Variants in SPIDR observed in about 807,000 individuals in gnomAD.
The protein encoded by SPIDR is DNA repair-scaffolding protein.
A neutral mutation model predicts 104.6 loss-of-function variants in SPIDR; 93 were observed. The ratio of observed to expected loss-of-function variants is 0.89; its 90% CI spans 0.75 to 1.06. The LOEUF is 1.06. Among genes scored for constraint, SPIDR ranks in the 50% least tolerant of loss-of-function variants. The pLI, the probability that SPIDR is intolerant of heterozygous loss-of-function variation, is 0.00. For synonymous variants in SPIDR, 431 were observed against 416.9 expected, an observed-to-expected ratio of 1.03 and a Z score of -0.41; for missense variants, 1,154 against 1,111.2, an observed-to-expected ratio of 1.04 and a Z score of -0.55.
At chr8:47,563,890 C>T (rs2057404127) in intron 8 of SPIDR, among the ~76,000 whole-genome samples, 1 of 152,044 alleles carries the variant, frequency 6.6e-6, no homozygotes, top group South Asian at 2.1e-4. Flanking sequence ...GTCTATTTAA[C>T]ACAATATCTG....
chr8:47,521,921 G>C (rs775487153), intron 8 of SPIDR, among the ~76,000 whole-genome samples: 14 of 151,594 alleles, frequency 9.2e-5, no homozygotes, highest in Non-Finnish European at 1.6e-4. Flanking sequence ...CCCAGCACTT[G>C]GGGAGGCGGA....
intron 19 of SPIDR, among the ~76,000 whole-genome samples, chr8:47,733,738 C>A (rs562983758): frequency 1.3e-4 from 20 of 152,150 alleles, no homozygotes; most frequent in South Asian, 6.3e-4. Flanking sequence ...TCATAATAAA[C>A]CCCATGTGTG....
intron 8 of SPIDR, among the ~76,000 whole-genome samples, chr8:47,539,121 A>G (rs1042155160): frequency 1.3e-5 from 2 of 151,978 alleles, no homozygotes; most frequent in African/African-American, 2.4e-5. Context: ...TCAGCCTCCC[A>G]AAGTGCTGGG....
chr8:47,556,097 A>G (rs532871774), intron 8 of SPIDR, among the ~76,000 whole-genome samples: 7 of 152,274 alleles, frequency 4.6e-5, no homozygotes, highest in African/African-American at 7.2e-5. Context: ...TACATTGTCT[A>G]TTGTCAGCCA....
intron 8 of SPIDR, among the ~76,000 whole-genome samples, chr8:47,591,123 C>CCTAA (rs2060956048): frequency 6.6e-6 from 1 of 151,500 alleles, no homozygotes; most frequent in Non-Finnish European, 1.5e-5. Context: ...TTTATTTAGA[C>CCTAA]CATTTATCCT....
At chr8:47,345,168 G>A (rs2051649581) in intron 5 of SPIDR, among the ~76,000 whole-genome samples, 1 of 152,150 alleles carries the variant, frequency 6.6e-6, no homozygotes, top group Non-Finnish European at 1.5e-5. Context: ...TCCAGTTTCA[G>A]CTTTCTACAT....
At chr8:47,511,530 G>T in intron 8 of SPIDR, 1 of 781,666 alleles carries the variant, frequency 1.3e-6, no homozygotes, top group Admixed American at 1.7e-5. Flanking sequence ...ACTGGGCATC[G>T]GATGGGTCTC....
intron 10 of SPIDR, among the ~76,000 whole-genome samples, chr8:47,620,880 A>C (rs2065058537): frequency 6.6e-6 from 1 of 150,872 alleles, no homozygotes; most frequent in Non-Finnish European, 1.5e-5. Flanking sequence ...GGCCTCCCAA[A>C]GTGCTGTGAT....
intron 11 of SPIDR, among the ~76,000 whole-genome samples, chr8:47,699,199 C>G (rs890766374): frequency 1.3e-5 from 2 of 152,200 alleles, no homozygotes; most frequent in Admixed American, 6.5e-5. Context: ...ATAGTAACAT[C>G]AAGTGGCTAA....
chr8:47,501,767 A>G (rs1399856043), intron 8 of SPIDR, among the ~76,000 whole-genome samples: 6 of 152,088 alleles, frequency 3.9e-5, no homozygotes, highest in Non-Finnish European at 7.3e-5. Context: ...TCAGTATGAT[A>G]TTGGCTGTGG....
chr8:47,408,013 A>T, intron 7 of SPIDR, 52 bp downstream of exon 7: 1 of 999,304 alleles, frequency 1.0e-6, no homozygotes, highest in South Asian at 1.8e-5. Flanking sequence ...ATTTTAGTTA[A>T]AAGAATTCTT....
At chr8:47,420,012 C>G (rs2065123990) in intron 7 of SPIDR, among the ~76,000 whole-genome samples, 2 of 152,154 alleles carry the variant, frequency 1.3e-5, no homozygotes, top group South Asian at 2.1e-4. Context: ...TTTTACATTT[C>G]CTGAGGAGTG....
At chr8:47,685,126 C>G (rs977700041) in intron 11 of SPIDR, among the ~76,000 whole-genome samples, 1 of 152,132 alleles carries the variant, frequency 6.6e-6, no homozygotes, top group Admixed American at 6.5e-5. Context: ...GCCGGAGAAT[C>G]GCTTGAACCC....
intron 10 of SPIDR, among the ~76,000 whole-genome samples, chr8:47,600,569 ATGTT>A (rs1361964928): frequency 1.3e-5 from 2 of 152,224 alleles, no homozygotes; most frequent in African/African-American, 4.8e-5. Context: ...TGGAATATGT[ATGTT>A]TGTAAAATCC....
At chr8:47,342,374 T>C (rs186429479) in intron 5 of SPIDR, among the ~76,000 whole-genome samples, 2 of 143,890 alleles carry the variant, frequency 1.4e-5, no homozygotes, top group Admixed American at 1.4e-4. Context: ...TCTTGCTCTG[T>C]CACCCAGGCT....
At chr8:47,547,135 A>G in intron 8 of SPIDR, 1 of 591,656 alleles carries the variant, frequency 1.7e-6, no homozygotes, top group Admixed American at 2.1e-5. Flanking sequence ...ACCTTGATGG[A>G]GGGGATCAGG....
At chr8:47,334,982 A>G (rs1417597612) in intron 5 of SPIDR, among the ~76,000 whole-genome samples, 2 of 152,180 alleles carry the variant, frequency 1.3e-5, no homozygotes, top group Non-Finnish European at 2.9e-5. Flanking sequence ...TTCCAATAAC[A>G]CTGTTACACA....
At chr8:47,431,387 T>C (rs1255576234) in intron 7 of SPIDR, among the ~76,000 whole-genome samples, 2 of 152,230 alleles carry the variant, frequency 1.3e-5, no homozygotes, top group Non-Finnish European at 2.9e-5. Context: ...ACACCCCTGT[T>C]GTTTGGCTTA....
chr8:47,276,292 A>G (rs1342217654), intron 1 of SPIDR, among the ~76,000 whole-genome samples: 3 of 152,240 alleles, frequency 2.0e-5, no homozygotes, highest in Non-Finnish European at 4.4e-5. Flanking sequence ...AAATGCTATG[A>G]CCAAAGAAAA....
Sources: gnomAD v4.1 joint callset for allele counts (sites outside exome capture counted in the v4.1 genomes callset) on GRCh38, gnomAD v4.1.1 for gene constraint, MANE v1.5 for transcripts, NCBI Gene and HGNC (gene_info 2026-07-23, HGNC 2026-07-21) for gene names.